Variants in CAST observed in about 807,000 individuals in gnomAD.
CAST encodes the protein MIR583 host.
CAST carries 76 observed loss-of-function variants against 119.6 expected under a neutral mutation model. The ratio of observed to expected loss-of-function variants is 0.64; its 90% confidence interval spans 0.53 to 0.77. The LOEUF is 0.77. Ranked by LOEUF, CAST falls within the 30% of genes least tolerant of loss-of-function variation. CAST has a pLI of 0.00. For missense variants in CAST, 953 were observed against 946.5 expected (o/e 1.01, Z -0.09); for synonymous variants, 319 against 331.6 (o/e 0.96, Z 0.41).
chr5:96,431,806 GA>G, the CAST span, among the ~76,000 whole-genome samples: 1 of 152,058 alleles, frequency 6.6e-6, no homozygotes, highest in Non-Finnish European at 1.5e-5. Flanking sequence ...ACCACCTCCA[GA>G]AAAAACGCGC....
At chr5:96,079,438 T>C in the CAST span, among the ~76,000 whole-genome samples, 3 of 152,372 alleles carry the variant, frequency 2.0e-5, no homozygotes, top group East Asian at 3.9e-4. Context: ...CTTTTAAGTA[T>C]GTTTTTTACT....
At position 96,750,665 on chromosome 5, in the gene CAST, C is replaced by G. The variant is rs746758589; in HGVS notation, c.1507C>G (p.Pro503Ala). 9 of 1,612,508 alleles carry G rather than the reference C, an allele frequency of 5.6e-6. No individual in the cohort carries two copies. The highest frequency in any genetic ancestry group is 1.7e-4 in the Middle Eastern group (1 of 6,052). Reference sequence around the variant, plus strand: ...CATGTGTAGTATACAGTCAGCACCCCCTGAGCCGGCTACCTTGGTGAGTGA... The same window carrying G: ...CATGTGTAGTATACAGTCAGCACCCGCTGAGCCGGCTACCTTGGTGAGTGA... ...TSMCSIQSAP[P>A]EPATLKGTVP... The change falls in exon 20 of 32, where the codon CCT becomes GCT. Residue 503 changes from proline to alanine, a missense_variant. By Grantham distance (27) the Pro-to-Ala change is conservative. Coordinates refer to ENST00000675179, the MANE Select transcript of CAST (RefSeq NM_001750.7).
intron 1 of CAST, among the ~76,000 whole-genome samples, chr5:96,583,137 TA>T (rs1295136299): frequency 6.6e-6 from 1 of 152,094 alleles, no homozygotes; most frequent in Non-Finnish European, 1.5e-5. Context: ...CGCCCCACCT[TA>T]AAAAAGTCTT....
chr5:96,606,170 C>CAAAAA (rs1226116399), intron 1 of CAST, among the ~76,000 whole-genome samples: 1 of 146,280 alleles, frequency 6.8e-6, no homozygotes, highest in African/African-American at 2.5e-5. Context: ...ACAACAACAA[C>CAAAAA]AAAAAAAAAA....
In CAST at chr5:96,581,923, A is replaced by T. The variant is rs145444320; in HGVS notation, c.60+52043A>T. ...AAATAAATAAATAAATAAATAAACAATCTGAATACCCATCAACTAATAATT... is the reference window on the plus strand; with the variant it reads ...AAATAAATAAATAAATAAATAAACATTCTGAATACCCATCAACTAATAATT... On this transcript the variant is annotated intron_variant, in intron 1 of 11. Transcript: ENST00000505143. Among the ~76,000 whole-genome samples the T allele has an allele frequency of 1.4e-4, 22 of 152,156 alleles. No homozygotes were observed. In the East Asian group the frequency reaches 4.3e-3, roughly 29 times the overall value.
intron 1 of CAST, among the ~76,000 whole-genome samples, chr5:96,537,820 A>C (rs1413632620): frequency 6.6e-6 from 1 of 152,144 alleles, no homozygotes; most frequent in African/African-American, 2.4e-5. Context: ...TTCCCCATCA[A>C]AACTGTAGAT....
At chr5:96,313,095 A>G in the CAST span, among the ~76,000 whole-genome samples, 2 of 152,166 alleles carry the variant, frequency 1.3e-5, no homozygotes, top group East Asian at 1.9e-4. Context: ...AAAAGCCTTC[A>G]GTAGTGAAAA....
At chr5:96,477,195 G>T in the CAST span, among the ~76,000 whole-genome samples, 4 of 151,358 alleles carry the variant, frequency 2.6e-5, no homozygotes. Flanking sequence ...AACTTGCAGG[G>T]CTTCCTTGGT....
intron 2 of CAST, among the ~76,000 whole-genome samples, chr5:96,678,865 A>G (rs561625384): frequency 1.4e-4 from 22 of 152,130 alleles, no homozygotes; most frequent in African/African-American, 5.1e-4. Context: ...CAAACAAACA[A>G]AAACACACAT....
chr5:96,441,424 A>G, the CAST span, among the ~76,000 whole-genome samples: 4 of 152,090 alleles, frequency 2.6e-5, no homozygotes, highest in African/African-American at 4.8e-5. Flanking sequence ...ATTAACTCCA[A>G]TTCACTAAAA....
At chr5:96,358,204 A>G in the CAST span, among the ~76,000 whole-genome samples, 1 of 151,932 alleles carries the variant, frequency 6.6e-6, no homozygotes, top group Admixed American at 6.6e-5. Context: ...TATTGTGTCT[A>G]TTTAATTCTT....
At chr5:96,084,186 A>G in the CAST span, among the ~76,000 whole-genome samples, 1 of 152,142 alleles carries the variant, frequency 6.6e-6, no homozygotes, top group Admixed American at 6.5e-5. Flanking sequence ...AATAATAATA[A>G]TAATAAAGTT....
chr5:96,631,584 CTT>C (rs564961286), intron 1 of CAST, among the ~76,000 whole-genome samples: 5 of 125,988 alleles, frequency 4.0e-5, no homozygotes, highest in Admixed American at 8.2e-5. Flanking sequence ...TCTGTGAATA[CTT>C]TTTTTTTTTT....
chr5:96,183,158 TAAA>T, the CAST span, among the ~76,000 whole-genome samples: 3 of 80,808 alleles, frequency 3.7e-5, no homozygotes, highest in African/African-American at 1.2e-4. Flanking sequence ...AAAAAATAAA[TAAA>T]ATAATAATAA....
At chr5:96,378,124 C>G in the CAST span, among the ~76,000 whole-genome samples, 1 of 151,946 alleles carries the variant, frequency 6.6e-6, no homozygotes, top group Admixed American at 6.6e-5. Context: ...CTTATAGAAG[C>G]AGATAGTGGA....
chr5:96,307,716 G>T, the CAST span, among the ~76,000 whole-genome samples: 3 of 152,112 alleles, frequency 2.0e-5, no homozygotes, highest in African/African-American at 7.2e-5. Context: ...TATGAAGCTT[G>T]GTTTGGCTGG....
At chr5:96,490,198 T>G in the CAST span, among the ~76,000 whole-genome samples, 2 of 152,214 alleles carry the variant, frequency 1.3e-5, no homozygotes, top group Non-Finnish European at 2.9e-5. Context: ...TGCCCTGCCT[T>G]ATCTAGGCCC....
the CAST span, among the ~76,000 whole-genome samples, chr5:96,224,245 C>T: frequency 6.6e-6 from 1 of 152,150 alleles, no homozygotes; most frequent in South Asian, 2.1e-4. Context: ...GAAGAGTAAT[C>T]CAGACATTTA....
the CAST span, among the ~76,000 whole-genome samples, chr5:96,198,610 A>G: frequency 3.3e-5 from 5 of 152,144 alleles, no homozygotes; most frequent in Admixed American, 6.6e-5. Flanking sequence ...TACTTGTCTC[A>G]CTACTGAATT....
Sources: gnomAD v4.1 joint callset for allele counts (sites outside exome capture counted in the v4.1 genomes callset) on GRCh38, gnomAD v4.1.1 for gene constraint, MANE v1.5 for transcripts, NCBI Gene and HGNC (gene_info 2026-07-23, HGNC 2026-07-21) for gene names.